Variants in DENND2B observed in about 807,000 individuals in gnomAD.
The protein encoded by DENND2B is DENN domain containing 2B, also known as DENN domain-containing protein 2B.
A neutral mutation model predicts 116.0 loss-of-function variants in DENND2B; 32 were observed. The observed-to-expected ratio is 0.28, with a 90% CI of 0.21 to 0.37. The LOEUF (loss-of-function observed/expected upper bound fraction) is 0.37, where lower values mean the gene tolerates loss of function less well. Among genes scored for constraint, DENND2B ranks in the 10% least tolerant of loss-of-function variants. The pLI, the probability that DENND2B is intolerant of heterozygous loss-of-function variation, is 1.00. For missense variants in DENND2B, 1,276 were observed against 1,477.7 expected (o/e 0.86, Z 2.24); for synonymous variants, 588 against 583.9 (o/e 1.01, Z -0.10).
chr11:8,789,581 C>T (rs1323162434), intron 1 of DENND2B, among the ~76,000 whole-genome samples: 1 of 152,078 alleles, frequency 6.6e-6, no homozygotes, highest in Non-Finnish European at 1.5e-5. Flanking sequence ...AAATGCTTAA[C>T]CTAAATCTAA....
intron 4 of DENND2B, among the ~76,000 whole-genome samples, chr11:8,822,416 C>A (rs2061800304): frequency 6.6e-6 from 1 of 152,216 alleles, no homozygotes; most frequent in Non-Finnish European, 1.5e-5. Context: ...ACAGTATTAA[C>A]TATAGTCACT....
In DENND2B at chr11:8,715,595, G is replaced by A; in HGVS notation, c.1845+8C>T. On this transcript the variant is annotated splice_region_variant and intron_variant, in intron 6 of 19. Coordinates refer to ENST00000313726, the MANE Select transcript of DENND2B (RefSeq NM_213618.2). The stretch of plus-strand genomic sequence containing the variant: ...CCGGCTCCAGTGGGCTGCCTCTGGG[G>A]AGGGTACCTTGGGAATGCGGCGGGC... The A allele has an allele frequency of 6.2e-7, 1 of 1,611,764 alleles. No individual in the cohort carries two copies. Among genetic ancestry groups the A allele is most frequent in the Non-Finnish European group, 8.5e-7 (1 of 1,178,474 alleles).
chr11:8,697,377 G>C, intron 17 of DENND2B, 148 bp downstream of exon 17: 2 of 617,848 alleles, frequency 3.2e-6, no homozygotes, highest in Non-Finnish European at 5.7e-6. Flanking sequence ...AAACTACCTG[G>C]GGTAGAAAAG....
At chr11:8,745,776 C>G (rs1287392513) in intron 2 of DENND2B, among the ~76,000 whole-genome samples, 4 of 152,176 alleles carry the variant, frequency 2.6e-5, no homozygotes, top group African/African-American at 4.8e-5. Context: ...GGCATGCTGC[C>G]AAGTGTGGAG....
At chr11:8,910,152 A>C (rs2064298205) in intron 1 of DENND2B, among the ~76,000 whole-genome samples, 1 of 151,898 alleles carries the variant, frequency 6.6e-6, no homozygotes, top group East Asian at 2.0e-4. Context: ...TGGAGGGGAG[A>C]GAGAGCTGCG....
intron 1 of DENND2B, among the ~76,000 whole-genome samples, chr11:8,904,249 CAT>C (rs1176799859): frequency 2.0e-5 from 3 of 152,144 alleles, no homozygotes; most frequent in South Asian, 2.1e-4. Flanking sequence ...TCATTCAACA[CAT>C]GTTAATAGAA....
chr11:8,771,196 G>A (rs190870970), intron 1 of DENND2B, among the ~76,000 whole-genome samples: 1 of 152,296 alleles, frequency 6.6e-6, no homozygotes, highest in East Asian at 1.9e-4. Context: ...GAAAGTAACC[G>A]TCAGCAGGCA....
Position 8,702,516 on chromosome 11 carries a change from G to C in DENND2B, c.2720+56C>G. On this transcript the variant is annotated intron_variant, in intron 14 of 19. Coordinates refer to ENST00000313726, the MANE Select transcript of DENND2B (RefSeq NM_213618.2). The surrounding 1 kb of genome is among the most constrained non-coding windows in gnomAD (Gnocchi z 4.6). ...TAGGCTCCTGAACACTTGCTGATTC[G>C]CTTGTGGGTGTGCCTTCCCCCCTCC... 6.2e-7 allele frequency: 1 copy of C among 1,601,862 alleles called. No homozygotes were observed. Among genetic ancestry groups the C allele is most frequent in the South Asian group, 1.1e-5 (1 of 90,846 alleles).
At chr11:8,769,584 A>T (rs142338244) in intron 1 of DENND2B, among the ~76,000 whole-genome samples, 50 of 152,192 alleles carry the variant, frequency 3.3e-4, no homozygotes, top group Non-Finnish European at 6.9e-4. Context: ...AAAAACTCCC[A>T]TAAGCGTCTC....
intron 1 of DENND2B, among the ~76,000 whole-genome samples, chr11:8,891,463 A>G (rs1480253416): frequency 6.6e-6 from 1 of 152,230 alleles, no homozygotes; most frequent in Non-Finnish European, 1.5e-5. Context: ...ATAAAGAGTC[A>G]AGACCCATCA....
chr11:8,775,265 T>C (rs934176131), intron 1 of DENND2B, among the ~76,000 whole-genome samples: 2 of 152,062 alleles, frequency 1.3e-5, no homozygotes, highest in Non-Finnish European at 2.9e-5. Flanking sequence ...TCGTGTTATC[T>C]CCTTGAAAAT....
chr11:8,856,528 G>A lies in DENND2B; in HGVS notation c.-156+815C>T, dbSNP rs962123036. Among the ~76,000 whole-genome samples the A allele has an allele frequency of 3.9e-5, 6 of 152,210 alleles. No homozygotes were observed. The East Asian group carries it at 7.7e-4, about 20-fold the overall frequency. Reference sequence around the variant, plus strand: ...GCCTAGGCTTGAGCACAACTTATCCGTCCAAAGCATTTGTGGGCCCAGGAG... The same window carrying A: ...GCCTAGGCTTGAGCACAACTTATCCATCCAAAGCATTTGTGGGCCCAGGAG... On this transcript the variant is annotated intron_variant, in intron 3 of 6. Transcript: ENST00000524757.
At chr11:8,767,619 A>G (rs892449106) in intron 1 of DENND2B, among the ~76,000 whole-genome samples, 9 of 152,194 alleles carry the variant, frequency 5.9e-5, no homozygotes. Context: ...TGAGGCAATG[A>G]CAGTGGTCTT....
chr11:8,849,579 T>C (rs1024943233), intron 3 of DENND2B, among the ~76,000 whole-genome samples: 8 of 151,208 alleles, frequency 5.3e-5, no homozygotes, highest in African/African-American at 9.7e-5. Flanking sequence ...ATCCCAGCAC[T>C]TTGGGAGGCC....
chr11:8,773,683 C>G (rs2057256292), intron 1 of DENND2B, among the ~76,000 whole-genome samples: 1 of 151,992 alleles, frequency 6.6e-6, no homozygotes, highest in South Asian at 2.1e-4. Flanking sequence ...CTGATGGACG[C>G]TCAAAAAATC....
At chr11:8,724,356 A>G (rs771951575) in intron 4 of DENND2B, among the ~76,000 whole-genome samples, 10 of 151,836 alleles carry the variant, frequency 6.6e-5, no homozygotes, top group Non-Finnish European at 1.5e-4. Context: ...ACCCTGGGCC[A>G]CTTCTCTCTC....
Position 8,730,584 on chromosome 11 carries a change from AACACTC to A in DENND2B, c.700_705del (p.Glu234_Cys235del). On this transcript the variant is annotated inframe_deletion, in exon 3 of 20. Transcript: ENST00000313726. This position sits in a 1 kb window ranked among gnomAD's most constrained non-coding sequence, Gnocchi z 4.1. ...CCCTCCTCCTCAGTCTCTGGGTAGG[AACACTC>A]GGAGAAGGTCCTGCTCATCCTCCGG... 6.2e-7 allele frequency: 1 copy of A among 1,613,148 alleles called. No individual in the cohort carries two copies.
intron 1 of DENND2B, among the ~76,000 whole-genome samples, chr11:8,795,293 T>C (rs1208525866): frequency 1.3e-5 from 2 of 152,212 alleles, no homozygotes; most frequent in African/African-American, 4.8e-5. Context: ...GACATGAAAT[T>C]CTGGGTCAGT....
chr11:8,896,472 T>C (rs1230787445), intron 1 of DENND2B, among the ~76,000 whole-genome samples: 1 of 152,168 alleles, frequency 6.6e-6, no homozygotes, highest in Non-Finnish European at 1.5e-5. Context: ...ACTAAAACTC[T>C]ACACAAGGAA....
Sources: gnomAD v4.1 joint callset for allele counts (sites outside exome capture counted in the v4.1 genomes callset) on GRCh38, gnomAD v4.1.1 for gene constraint, Gnocchi (gnomAD v3.1) non-coding constraint, MANE v1.5 for transcripts, NCBI Gene and HGNC (gene_info 2026-07-23, HGNC 2026-07-21) for gene names.